VDAC3: variants seen among roughly 807,000 people sequenced by gnomAD.
VDAC3 encodes voltage dependent anion channel 3.
A neutral mutation model predicts 33.9 loss-of-function variants in VDAC3; 7 were observed. The observed-to-expected ratio is 0.21, with a 90% CI of 0.12 to 0.39. The LOEUF is 0.39. Ranked by LOEUF, VDAC3 falls within the 10% of genes least tolerant of loss-of-function variation. VDAC3 has a pLI of 1.00. For missense variants in VDAC3, 261 were observed against 334.5 expected (o/e 0.78, Z 1.71); for synonymous variants, 100 against 122.4 (o/e 0.82, Z 1.21).
At chr8:42,396,635 T>C (rs977275900) in intron 4 of VDAC3, 2 of 686,396 alleles carry the variant, frequency 2.9e-6, no homozygotes, top group African/African-American at 1.8e-5. Flanking sequence ...ACTAAAATTT[T>C]ATCTCCCTTT....
chr8:42,396,457 G>T (rs1406806517), intron 4 of VDAC3, among the ~76,000 whole-genome samples: 3 of 152,152 alleles, frequency 2.0e-5, no homozygotes, highest in Non-Finnish European at 4.4e-5. Context: ...ATCATGGTTT[G>T]TGACCATCAT....
Position 42,405,601 on chromosome 8 carries a change from A to C in VDAC3, c.*139A>C, listed in dbSNP as rs749473649. 16 of 712,422 alleles carry C rather than the reference A, an allele frequency of 2.2e-5. No homozygotes were observed. The highest frequency in any genetic ancestry group is 3.3e-5 in the Non-Finnish European group (14 of 427,338). 44.1% of individuals were successfully genotyped at this position (712,422 alleles called of 1,614,324 possible). On this transcript the variant is annotated 3_prime_UTR_variant, in exon 10 of 10. Transcript: ENST00000022615. Reference sequence around the variant, plus strand: ...TCCAAAGAATTGTAATCCTCCCCACACTGAAGTCTAGGGGTTGCGAATCCC... The same window carrying C: ...TCCAAAGAATTGTAATCCTCCCCACCCTGAAGTCTAGGGGTTGCGAATCCC...
At chr8:42,399,560 TAAAGA>T (rs572500430) in intron 5 of VDAC3, 86 bp from the exon 6 acceptor site, 15 of 1,240,946 alleles carry the variant, frequency 1.2e-5, no homozygotes, top group Non-Finnish European at 1.7e-5. Flanking sequence ...TTTTTTTTGT[TAAAGA>T]ACTCAGGAAA....
At chr8:42,396,702 G>A (rs774398799) in intron 4 of VDAC3, 10 of 686,168 alleles carry the variant, frequency 1.5e-5, no homozygotes, top group South Asian at 9.5e-5. Context: ...AAGCTTATTC[G>A]TATGCTTGTT....
intron 6 of VDAC3, among the ~76,000 whole-genome samples, chr8:42,400,897 C>T (rs951815843): frequency 5.9e-5 from 9 of 151,764 alleles, no homozygotes; most frequent in Non-Finnish European, 7.4e-5. Flanking sequence ...GTCTTGACCT[C>T]GTGTTCCGCC....
At chr8:42,401,443 C>A (rs926175432) in intron 6 of VDAC3, among the ~76,000 whole-genome samples, 9 of 152,212 alleles carry the variant, frequency 5.9e-5, no homozygotes, top group Non-Finnish European at 8.8e-5. Context: ...CATCCGCCCA[C>A]CTTGGCCTCC....
chr8:42,396,728 G>A lies in VDAC3; in HGVS notation c.117+1595G>A, dbSNP rs776456892. On this transcript the variant is annotated intron_variant, in intron 4 of 9. Transcript: ENST00000022615. Reference sequence around the variant, plus strand: ...TATGCTTGTTTTTATGGCTGCTTTTGGTTTCTGGTATTGATTTAGGATAAA... The same window carrying A: ...TATGCTTGTTTTTATGGCTGCTTTTAGTTTCTGGTATTGATTTAGGATAAA... The A allele has an allele frequency of 8.9e-6, 6 of 674,492 alleles. 1 individual carries two copies. The South Asian group carries it at 9.8e-5, about 11-fold the overall frequency. The allele number at this position is 674,492 out of a possible 1,614,324, so 41.8% of individuals were successfully genotyped here.
In VDAC3 at chr8:42,405,555, A is replaced by G. The variant is rs777858512; in HGVS notation, c.*93A>G. 5.4e-6 allele frequency: 6 copies of G among 1,107,748 alleles called. No homozygotes were observed. The East Asian group carries it at 1.2e-4, about 22-fold the overall frequency. The allele number at this position is 1,107,748 out of a possible 1,614,324, so 68.6% of individuals were successfully genotyped here. ...CTTAAAATTCTTCTGTGAAATTTCA[A>G]AAGTGTGAACTTTTTATTCTTCCAA... is the stretch of plus-strand genomic sequence containing the variant. On this transcript the variant is annotated 3_prime_UTR_variant, in exon 10 of 10. Transcript: ENST00000022615.
At position 42,401,229 on chromosome 8, in the gene VDAC3, G is replaced by A. The variant is rs7842860; in HGVS notation, c.324-559G>A. 6.4e-3 allele frequency among the ~76,000 whole-genome samples: 966 copies of A among 151,832 alleles called. 6 individuals are homozygous for A. Among genetic ancestry groups the A allele is most frequent in the African/African-American group, 0.022 (900 of 41,400 alleles). On this transcript the variant is annotated intron_variant, in intron 6 of 9. Coordinates refer to ENST00000022615, the MANE Select transcript of VDAC3 (RefSeq NM_005662.7). ...TTTTTTTTCTTTTGAGACGAGTCTC[G>A]CTCTGTCGCCAGGCTGGAGTACAGT...
chr8:42,395,614 G>A (rs1296262253), intron 4 of VDAC3, among the ~76,000 whole-genome samples: 1 of 152,072 alleles, frequency 6.6e-6, no homozygotes, highest in African/African-American at 2.4e-5. Flanking sequence ...TTTTTTATTG[G>A]AAGTAAAGAC....
chr8:42,396,761 C>G (rs1802326242), intron 4 of VDAC3: 1 of 655,066 alleles, frequency 1.5e-6, no homozygotes, highest in Non-Finnish European at 2.7e-6. Flanking sequence ...AAATTTCAAT[C>G]ATTGTTCCAA....
chr8:42,392,339 C>G (rs936303442), intron 1 of VDAC3, among the ~76,000 whole-genome samples: 3 of 152,218 alleles, frequency 2.0e-5, no homozygotes, highest in Non-Finnish European at 4.4e-5. Context: ...ACGAAAAGGG[C>G]TCTGTACTGG....
intron 4 of VDAC3, among the ~76,000 whole-genome samples, chr8:42,395,864 C>T (rs1802301716): frequency 6.7e-6 from 1 of 149,442 alleles, no homozygotes; most frequent in South Asian, 2.2e-4. Context: ...GAGGCTGAGG[C>T]GGGAGAATCT....
Position 42,394,204 on chromosome 8 carries a change from T to C in VDAC3, c.-2-6T>C. On this transcript the variant is annotated splice_region_variant and splice_polypyrimidine_tract_variant and intron_variant, in intron 2 of 9. Coordinates refer to ENST00000022615, the MANE Select transcript of VDAC3 (RefSeq NM_005662.7). Reference sequence around the variant, plus strand: ...TTTATTCCTTTGCCCTGTTTTTCTTTATAAGATATGTGTAACACACCAACG... The same window carrying C: ...TTTATTCCTTTGCCCTGTTTTTCTTCATAAGATATGTGTAACACACCAACG... The C allele has an allele frequency of 6.2e-7, 1 of 1,613,272 alleles. No individual in the cohort carries two copies. Among genetic ancestry groups the C allele is most frequent in the Non-Finnish European group, 8.5e-7 (1 of 1,179,316 alleles).
intron 6 of VDAC3, among the ~76,000 whole-genome samples, chr8:42,400,296 T>C (rs1411842816): frequency 4.0e-5 from 6 of 148,214 alleles, no homozygotes; most frequent in African/African-American, 1.5e-4. Flanking sequence ...CGAGATGCAC[T>C]CCAGCCTGGG....
rs1802483642 is a variant in VDAC3, at chr8:42,405,516, C to T, written c.*54C>T. ...CCCTGGAAGTGAAGAGAAATGAACC[C>T]ACTATGTTTTGGCCTTAAAATTCTT... On this transcript the variant is annotated 3_prime_UTR_variant, in exon 10 of 10. Coordinates refer to ENST00000022615, the MANE Select transcript of VDAC3 (RefSeq NM_005662.7). The T allele has an allele frequency of 1.0e-5, 15 of 1,468,204 alleles. No homozygotes were observed. The highest frequency in any genetic ancestry group is 1.3e-5 in the Non-Finnish European group (14 of 1,060,160). 90.9% of individuals were successfully genotyped at this position (1,468,204 alleles called of 1,614,324 possible).
At chr8:42,396,507 C>T in intron 4 of VDAC3, 1 of 540,254 alleles carries the variant, frequency 1.9e-6, no homozygotes, top group Non-Finnish European at 3.2e-6. Flanking sequence ...AATATATATG[C>T]ACCTCCCTTA....
rs1439280212 is a variant in VDAC3 at position 42,394,966 on chromosome 8, ATACTATGCATTTTTCATATGGAAGG to A, written c.68-111_68-87del. On this transcript the variant is annotated intron_variant, in intron 3 of 9. Transcript: ENST00000022615. The stretch of plus-strand genomic sequence containing the variant: ...CTTGAGGAACTCTCACCCAATGAAA[ATACTATGCATTTTTCATATGGAAGG>A]TACTATAGGCTATTTCATAATTTCT... 3 of 1,164,448 alleles carry A rather than the reference ATACTATGCATTTTTCATATGGAAGG, an allele frequency of 2.6e-6. No homozygotes were observed. The African/African-American group carries it at 4.6e-5, about 18-fold the overall frequency. 72.1% of individuals were successfully genotyped at this position (1,164,448 alleles called of 1,614,324 possible).
At chr8:42,392,128 G>A (rs1824879151) in intron 1 of VDAC3, among the ~76,000 whole-genome samples, 200 bp downstream of exon 1, 1 of 152,182 alleles carries the variant, frequency 6.6e-6, no homozygotes, top group African/African-American at 2.4e-5. Flanking sequence ...GCACGGCGGG[G>A]CAAGTGGCCT....
Sources: gnomAD v4.1 joint callset for allele counts (sites outside exome capture counted in the v4.1 genomes callset) on GRCh38, gnomAD v4.1.1 for gene constraint, MANE v1.5 for transcripts, NCBI Gene and HGNC (gene_info 2026-07-23, HGNC 2026-07-21) for gene names.